L3MBTL4: variants seen among roughly 807,000 people sequenced by gnomAD.
The protein encoded by L3MBTL4 is L3MBTL histone methyl-lysine binding protein 4.
L3MBTL4 carries 70 observed loss-of-function variants against 84.5 expected under a neutral mutation model. The observed-to-expected ratio is 0.83, with a 90% CI of 0.68 to 1.01. The LOEUF is 1.01. Ranked by LOEUF, L3MBTL4 falls within the 50% of genes least tolerant of loss-of-function variation. L3MBTL4 has a pLI of 0.00. For missense variants in L3MBTL4, 715 were observed against 754.8 expected, an observed-to-expected ratio of 0.95 and a Z score of 0.62; for synonymous variants, 274 against 259.8, an observed-to-expected ratio of 1.05 and a Z score of -0.52.
intron 1 of L3MBTL4, among the ~76,000 whole-genome samples, chr18:6,400,691 C>T (rs919024663): frequency 2.0e-5 from 3 of 152,196 alleles, no homozygotes; most frequent in East Asian, 1.9e-4. Flanking sequence ...GGATTACAGG[C>T]GTGAGACACC....
chr18:6,362,193 AAGGG>A (rs1239937767), intron 1 of L3MBTL4, among the ~76,000 whole-genome samples: 1 of 102,880 alleles, frequency 9.7e-6, no homozygotes, highest in Non-Finnish European at 1.8e-5. Context: ...GGAAGGAAGG[AAGGG>A]AGGGAGGGAA....
At chr18:5,974,961 C>G (rs2052832513) in intron 16 of L3MBTL4, among the ~76,000 whole-genome samples, 1 of 151,426 alleles carries the variant, frequency 6.6e-6, no homozygotes, top group Non-Finnish European at 1.5e-5. Context: ...AACCCTGTCT[C>G]TATTGTTTTG....
chr18:5,970,090 C>T (rs2052565714), intron 16 of L3MBTL4, among the ~76,000 whole-genome samples: 1 of 152,216 alleles, frequency 6.6e-6, no homozygotes, highest in Non-Finnish European at 1.5e-5. Flanking sequence ...TAGCAAGGGT[C>T]CCCATGAGAA....
At chr18:6,221,668 A>T (rs73385918) in intron 10 of L3MBTL4, among the ~76,000 whole-genome samples, 98 of 152,352 alleles carry the variant, frequency 6.4e-4, no homozygotes, top group African/African-American at 2.2e-3. Flanking sequence ...CTGAAGTCTC[A>T]GAGAAAGCAT....
intron 4 of L3MBTL4, among the ~76,000 whole-genome samples, chr18:6,277,204 G>A (rs1454802399): frequency 6.6e-6 from 1 of 151,602 alleles, no homozygotes; most frequent in Non-Finnish European, 1.5e-5. Context: ...GAGTTAGTGG[G>A]TGCAGCGCAC....
At chr18:5,987,500 A>G (rs978352289) in intron 16 of L3MBTL4, among the ~76,000 whole-genome samples, 79 of 152,336 alleles carry the variant, frequency 5.2e-4, no homozygotes, top group Admixed American at 8.5e-4. Flanking sequence ...TGCTACTTGT[A>G]TCTGTCTTTA....
intron 16 of L3MBTL4, among the ~76,000 whole-genome samples, chr18:5,970,874 G>C (rs759013372): frequency 6.6e-6 from 1 of 152,184 alleles, no homozygotes; most frequent in African/African-American, 2.4e-5. Context: ...TCTAAACTAC[G>C]AGCGAGCTTG....
chr18:6,165,734 T>C (rs962746723), intron 13 of L3MBTL4, among the ~76,000 whole-genome samples: 1 of 152,084 alleles, frequency 6.6e-6, no homozygotes, highest in African/African-American at 2.4e-5. Context: ...ACATGCCAAA[T>C]TGTAAAGACC....
intron 13 of L3MBTL4, among the ~76,000 whole-genome samples, chr18:6,160,488 T>C (rs1249341180): frequency 6.6e-6 from 1 of 152,032 alleles, no homozygotes; most frequent in Non-Finnish European, 1.5e-5. Flanking sequence ...TCCCAACACT[T>C]TGGGAGGCCA....
intron 4 of L3MBTL4, among the ~76,000 whole-genome samples, chr18:6,292,353 T>C (rs1362092413): frequency 1.3e-5 from 2 of 152,226 alleles, no homozygotes; most frequent in African/African-American, 4.8e-5. Context: ...TTCTACACAT[T>C]GTTCTCATTT....
chr18:6,048,213 A>G (rs1428125772), intron 16 of L3MBTL4, among the ~76,000 whole-genome samples: 1 of 152,186 alleles, frequency 6.6e-6, no homozygotes, highest in Non-Finnish European at 1.5e-5. Context: ...ACTACAAAAC[A>G]CTGCTGAAGG....
chr18:6,083,617 T>C (rs7243663), intron 15 of L3MBTL4, among the ~76,000 whole-genome samples: 8,177 of 152,254 alleles, frequency 0.054, 316 homozygotes, highest in South Asian at 0.1. Context: ...TCTCAATCTC[T>C]GTCTAAATCT....
Position 6,297,243 on chromosome 18 carries a change from C to T in L3MBTL4, c.127+4660G>A, listed in dbSNP as rs555622631. On this transcript the variant is annotated intron_variant, in intron 4 of 18. Transcript: ENST00000317931. Reference sequence around the variant, plus strand: ...TCTTAAGAAACTTAGATGCTACTGGCGACTTCTGGACATGAGAGAACAAAA... The same window carrying T: ...TCTTAAGAAACTTAGATGCTACTGGTGACTTCTGGACATGAGAGAACAAAA... Among the ~76,000 whole-genome samples the T allele has an allele frequency of 1.3e-4, 20 of 152,132 alleles. No homozygotes were observed. In the South Asian group the frequency reaches 3.3e-3, roughly 25 times the overall value.
chr18:6,318,494 T>TAAAAAAAAAAAAAAA (rs71370550), intron 1 of L3MBTL4, among the ~76,000 whole-genome samples: 190 of 14,228 alleles, frequency 0.013, 3 homozygotes, highest in Non-Finnish European at 0.018. Context: ...ACAACAATAG[T>TAAAAAAAAAAAAAAA]AAAAAAAAAA....
chr18:6,049,228 C>A (rs940595988), intron 16 of L3MBTL4, among the ~76,000 whole-genome samples: 6 of 152,132 alleles, frequency 3.9e-5, no homozygotes, highest in African/African-American at 1.4e-4. Context: ...GCAATTGCAA[C>A]GAAAACAAAA....
intron 15 of L3MBTL4, chr18:6,082,324 C>A (rs1032260750): frequency 6.6e-6 from 1 of 150,966 alleles, no homozygotes; most frequent in African/African-American, 2.4e-5. Context: ...TTTTTTTTTG[C>A]TTATATCATG....
At position 6,259,731 on chromosome 18, in the gene L3MBTL4, G is replaced by T. The variant is rs1454091874; in HGVS notation, c.219+4216C>A. ...GTTTGTGAATATTTTCTCCCATTCT[G>T]TAGGTTGTCTCTTTACTCTGTTGAT... is the stretch of plus-strand genomic sequence containing the variant. On this transcript the variant is annotated intron_variant, in intron 5 of 18. Transcript: ENST00000317931. 2.0e-5 allele frequency: 3 copies of T among 152,020 alleles called. No homozygotes were observed. In the East Asian group the frequency reaches 5.8e-4, roughly 29 times the overall value. 9.4% of individuals were successfully genotyped at this position (152,020 alleles called of 1,614,324 possible).
At chr18:5,975,435 C>G (rs1302626193) in intron 16 of L3MBTL4, among the ~76,000 whole-genome samples, 1 of 152,192 alleles carries the variant, frequency 6.6e-6, no homozygotes, top group East Asian at 1.9e-4. Context: ...CAAGTCCCAT[C>G]AATTTATCTG....
At chr18:6,413,182 C>T (rs1483707299) in intron 1 of L3MBTL4, among the ~76,000 whole-genome samples, 4 of 152,324 alleles carry the variant, frequency 2.6e-5, no homozygotes, top group Non-Finnish European at 2.9e-5. Context: ...CACCAATACC[C>T]TTTCTTTGGA....
Sources: allele counts gnomAD v4.1 joint callset (sites outside exome capture counted in the v4.1 genomes callset), GRCh38; gene constraint gnomAD v4.1.1; transcripts MANE v1.5; gene names NCBI Gene and HGNC (gene_info 2026-07-23, HGNC 2026-07-21).